The following TRABD2B variants were observed in gnomAD, a reference collection of about 807,000 sequenced individuals.
TRABD2B encodes TraB domain containing 2B, also known as metalloprotease TIKI2.
TRABD2B carries 14 observed loss-of-function variants against 40.1 expected under a neutral mutation model. That is an observed-to-expected ratio of 0.35 (90% confidence interval 0.23 to 0.55). The LOEUF (loss-of-function observed/expected upper bound fraction) is 0.55, where lower values mean the gene tolerates loss of function less well. Ranked by LOEUF, TRABD2B falls within the 20% of genes least tolerant of loss-of-function variation. The pLI, the probability that TRABD2B is intolerant of heterozygous loss-of-function variation, is 0.90. For missense variants in TRABD2B, 541 were observed against 648.6 expected, an observed-to-expected ratio of 0.83 and a Z score of 1.80; for synonymous variants, 263 against 277.0, an observed-to-expected ratio of 0.95 and a Z score of 0.50.
At chr1:47,886,360 G>C (rs576270370) in intron 2 of TRABD2B, among the ~76,000 whole-genome samples, 2 of 152,156 alleles carry the variant, frequency 1.3e-5, no homozygotes, top group African/African-American at 2.4e-5. Context: ...CACTCGGCTC[G>C]GGCTCCCGTG....
At chr1:47,824,817 A>G (rs1257416900) in intron 2 of TRABD2B, among the ~76,000 whole-genome samples, 3 of 152,170 alleles carry the variant, frequency 2.0e-5, no homozygotes, top group East Asian at 1.9e-4. Context: ...GGCAGTTACC[A>G]GAGTGGCACA....
intron 2 of TRABD2B, among the ~76,000 whole-genome samples, chr1:47,806,712 G>A (rs928837064): frequency 6.6e-5 from 10 of 152,222 alleles, no homozygotes; most frequent in Admixed American, 5.2e-4. Flanking sequence ...AACTAGGAAG[G>A]AGTGAGGCAG....
chr1:47,854,930 T>TGATGTA (rs1449464913), intron 2 of TRABD2B, among the ~76,000 whole-genome samples: 3 of 152,180 alleles, frequency 2.0e-5, no homozygotes, highest in Admixed American at 6.5e-5. Flanking sequence ...AATAGCTGTG[T>TGATGTA]GATGTAGGGC....
At chr1:47,938,473 G>A (rs909004109) in intron 2 of TRABD2B, among the ~76,000 whole-genome samples, 2 of 152,222 alleles carry the variant, frequency 1.3e-5, no homozygotes, top group Non-Finnish European at 2.9e-5. Flanking sequence ...GAGGTAGGAA[G>A]CAGTGGTAGA....
At chr1:47,829,136 G>A (rs1176964070) in intron 2 of TRABD2B, among the ~76,000 whole-genome samples, 1 of 152,184 alleles carries the variant, frequency 6.6e-6, no homozygotes, top group African/African-American at 2.4e-5. Context: ...CTTATGTTGG[G>A]ACATCAGTAT....
Position 47,886,537 on chromosome 1 carries a change from A to G in TRABD2B, c.667-84918T>C, listed in dbSNP as rs551949796. ...GTTATCTGAGATCCTATTATAAACC[A>G]CTCCCTGAATTTTGTCCTTTTCCCT... On this transcript the variant is annotated intron_variant, in intron 2 of 6. Coordinates refer to ENST00000606738, the MANE Select transcript of TRABD2B (RefSeq NM_001194986.2). Among the ~76,000 whole-genome samples the G allele has an allele frequency of 3.3e-5, 5 of 151,692 alleles. No homozygotes were observed. In the South Asian group the frequency reaches 1.0e-3, roughly 32 times the overall value.
At chr1:47,794,885 ATCC>A in intron 3 of TRABD2B, 125 bp from the exon 4 acceptor site, 1 of 901,222 alleles carries the variant, frequency 1.1e-6, no homozygotes, top group Non-Finnish European at 1.6e-6. Flanking sequence ...GGCTCAAGCC[ATCC>A]TCCTGCCTCA....
At chr1:47,936,426 T>C (rs1344281697) in intron 2 of TRABD2B, among the ~76,000 whole-genome samples, 1 of 152,036 alleles carries the variant, frequency 6.6e-6, no homozygotes. Flanking sequence ...CCAGCAGGTA[T>C]GAGGGCAAAG....
rs575344759 is a variant in TRABD2B, at chr1:47,935,117, A to T, written c.666+58917T>A. On this transcript the variant is annotated intron_variant, in intron 2 of 6. Transcript: ENST00000606738. Reference sequence around the variant, plus strand: ...AGACAAGTAGTCTCTACTCCCTGTAAATCTCTTCTAGCATGGCACACCATA... The same window carrying T: ...AGACAAGTAGTCTCTACTCCCTGTATATCTCTTCTAGCATGGCACACCATA... Among the ~76,000 whole-genome samples, 7 of 152,206 alleles carry T rather than the reference A, an allele frequency of 4.6e-5. No homozygotes were observed. In the East Asian group the frequency reaches 1.3e-3, roughly 29 times the overall value.
At chr1:47,976,949 G>A (rs1645764617) in intron 2 of TRABD2B, among the ~76,000 whole-genome samples, 1 of 152,094 alleles carries the variant, frequency 6.6e-6, no homozygotes, top group Non-Finnish European at 1.5e-5. Flanking sequence ...ATCAAAACCA[G>A]GGAATTGAGG....
chr1:47,944,834 G>A (rs895139937), intron 2 of TRABD2B, among the ~76,000 whole-genome samples: 1 of 152,212 alleles, frequency 6.6e-6, no homozygotes, highest in African/African-American at 2.4e-5. Flanking sequence ...GGAGGAAATA[G>A]CCAGCTCTGT....
At chr1:47,940,202 G>A (rs1645167548) in intron 2 of TRABD2B, among the ~76,000 whole-genome samples, 1 of 152,206 alleles carries the variant, frequency 6.6e-6, no homozygotes, top group Admixed American at 6.5e-5. Flanking sequence ...TCAAGATGCA[G>A]CCTTGCTGAA....
intron 2 of TRABD2B, among the ~76,000 whole-genome samples, chr1:47,809,225 G>A (rs1219801754): frequency 6.6e-6 from 1 of 152,160 alleles, no homozygotes; most frequent in Non-Finnish European, 1.5e-5. Context: ...TCCCAGGCCA[G>A]GTACTCCCCA....
At chr1:47,868,321 G>C (rs1644089077) in intron 2 of TRABD2B, among the ~76,000 whole-genome samples, 1 of 152,204 alleles carries the variant, frequency 6.6e-6, no homozygotes, top group African/African-American at 2.4e-5. Context: ...AGTGAAGAAA[G>C]AAAGGACAGA....
intron 2 of TRABD2B, among the ~76,000 whole-genome samples, chr1:47,873,826 C>T (rs1427231375): frequency 6.6e-6 from 1 of 152,292 alleles, no homozygotes; most frequent in East Asian, 1.9e-4. Context: ...AAGGACTAAA[C>T]ACCAAGAGTC....
chr1:47,856,221 G>A (rs1643888460), intron 2 of TRABD2B, among the ~76,000 whole-genome samples: 1 of 152,210 alleles, frequency 6.6e-6, no homozygotes, highest in Non-Finnish European at 1.5e-5. Context: ...CCTGCTTCCA[G>A]GCACCCCTTC....
At chr1:47,985,245 C>A (rs578165728) in intron 2 of TRABD2B, among the ~76,000 whole-genome samples, 1 of 152,340 alleles carries the variant, frequency 6.6e-6, no homozygotes, top group South Asian at 2.1e-4. Flanking sequence ...GGAGGGGACT[C>A]CTGAGCTGAG....
At chr1:47,834,828 T>C (rs547705064) in intron 2 of TRABD2B, among the ~76,000 whole-genome samples, 11 of 152,308 alleles carry the variant, frequency 7.2e-5, no homozygotes, top group South Asian at 2.1e-4. Context: ...ATTTGCCACA[T>C]TATATTCTTT....
chr1:47,800,532 G>A (rs1644808228), intron 3 of TRABD2B, among the ~76,000 whole-genome samples: 1 of 152,198 alleles, frequency 6.6e-6, no homozygotes, highest in African/African-American at 2.4e-5. Flanking sequence ...AGAGAGCATG[G>A]GGGCCATGCA....
Sources: gnomAD v4.1 joint callset for allele counts (sites outside exome capture counted in the v4.1 genomes callset) on GRCh38, gnomAD v4.1.1 for gene constraint, MANE v1.5 for transcripts, NCBI Gene and HGNC (gene_info 2026-07-23, HGNC 2026-07-21) for gene names.